ZNF721: variants seen among roughly 807,000 people sequenced by gnomAD.
ZNF721 encodes the protein zinc finger protein 721.
In ZNF721, 2 loss-of-function variants were observed where a neutral mutation model predicts 2.4. The ratio of observed to expected loss-of-function variants is 0.82; its 90% CI spans 0.34 to 2.58. ZNF721 has a LOEUF of 2.58. Among genes scored for constraint, ZNF721 ranks in the 30% most tolerant of loss-of-function variants. The pLI is 0.11. For synonymous variants in ZNF721, 398 were observed against 381.8 expected, an observed-to-expected ratio of 1.04 and a Z score of -0.50; for missense variants, 1,187 against 1,085.5, an observed-to-expected ratio of 1.09 and a Z score of -1.31.
Position 444,212 on chromosome 4 carries a change from T to G in ZNF721, c.255A>C (p.Ala85=). Reference sequence around the variant, plus strand: ...CAAATTTACTAAAAACTTTGACACGTGCATTACATTGAAATATTTTGCTCT... The same window carrying G: ...CAAATTTACTAAAAACTTTGACACGGGCATTACATTGAAATATTTTGCTCT... ...NTQSKIFQCN[A]RVKVFSKFAN... Residue 85 remains alanine (A), a synonymous_variant, in exon 3 of 3, where the codon GCA becomes GCC. Transcript: ENST00000511833. The G allele has an allele frequency of 1.2e-6, 2 of 1,613,758 alleles. No homozygotes were observed. Among genetic ancestry groups the G allele is most frequent in the Non-Finnish European group, 1.7e-6 (2 of 1,179,734 alleles).
In ZNF721 at chr4:444,131, G is replaced by C. The variant is rs781793057; in HGVS notation, c.336C>G (p.Asn112Lys). 3 of 1,613,956 alleles carry C rather than the reference G, an allele frequency of 1.9e-6. No homozygotes were observed. The highest frequency in any genetic ancestry group is 4.5e-5 in the East Asian group (2 of 44,858). The change falls in exon 3 of 3, where the codon AAC becomes AAG. Residue 112 changes from asparagine (N) to lysine (K), a missense_variant. Physicochemically the swap from Asn to Lys is moderately conservative, Grantham distance 94. Coordinates refer to ENST00000511833, the MANE Select transcript of ZNF721 (RefSeq NM_133474.4). ...ACTTCTGAAATGACTTGCCACATTC[G>C]TTACATTTAAAGTGTTTCTCTCCAG... is the stretch of plus-strand genomic sequence containing the variant. ...RHTGEKHFKC[N>K]ECGKSFQKFS...
At chr4:494,624 G>T (rs1449433399) in intron 1 of ZNF721, among the ~76,000 whole-genome samples, 2 of 152,128 alleles carry the variant, frequency 1.3e-5, no homozygotes, top group East Asian at 3.8e-4. Context: ...AAACAACTCA[G>T]GTGAAAATCA....
Position 442,304 on chromosome 4 carries a change from C to G in ZNF721, c.2163G>C (p.Arg721Ser), listed in dbSNP as rs1195960087. The change falls in exon 3 of 3, where the codon AGG becomes AGC. Residue 721 changes from arginine to serine, a missense_variant. Physicochemically the swap from Arg to Ser is moderately radical, Grantham distance 110. Coordinates refer to ENST00000511833, the MANE Select transcript of ZNF721 (RefSeq NM_133474.4). ...NLTTHRRVHT[R>S]EKPYKCEDRG... ...GATCTTCACATTTGTAGGGTTTCTCCCTAGTGTGAACTCTCCTATGTGTAG... is the reference window on the plus strand; with the variant it reads ...GATCTTCACATTTGTAGGGTTTCTCGCTAGTGTGAACTCTCCTATGTGTAG... The G allele has an allele frequency of 6.2e-7, 1 of 1,612,766 alleles. No individual in the cohort carries two copies.
chr4:473,083 G>A (rs1427670856), intron 1 of ZNF721, among the ~76,000 whole-genome samples: 1 of 152,090 alleles, frequency 6.6e-6, no homozygotes, highest in Non-Finnish European at 1.5e-5. Flanking sequence ...CAGAACAATA[G>A]ACAGGATGTG....
intron 2 of ZNF721, among the ~76,000 whole-genome samples, chr4:461,882 A>C (rs1553866144): frequency 6.6e-6 from 1 of 152,210 alleles, no homozygotes; most frequent in Non-Finnish European, 1.5e-5. Flanking sequence ...CAAAAAAATA[A>C]AAATAGTATT....
intron 2 of ZNF721, among the ~76,000 whole-genome samples, chr4:471,015 A>C (rs1196206172): frequency 6.6e-6 from 1 of 151,796 alleles, no homozygotes; most frequent in Non-Finnish European, 1.5e-5. Flanking sequence ...AAAAAAAAAG[A>C]AGTTAATATC....
intron 2 of ZNF721, among the ~76,000 whole-genome samples, chr4:451,364 T>C (rs534309229): frequency 1.3e-5 from 2 of 152,180 alleles, no homozygotes; most frequent in Non-Finnish European, 2.9e-5. Flanking sequence ...CAAAAACAAG[T>C]TGACCATTTT....
intron 1 of ZNF721, among the ~76,000 whole-genome samples, chr4:490,385 C>T (rs373417176): frequency 6.6e-6 from 1 of 151,862 alleles, no homozygotes; most frequent in Admixed American, 6.6e-5. Context: ...CTGAGAATGG[C>T]GTGAACCCAG....
At chr4:473,623 T>TGG (rs771818478) in intron 1 of ZNF721, among the ~76,000 whole-genome samples, 8 of 152,216 alleles carry the variant, frequency 5.3e-5, no homozygotes, top group Non-Finnish European at 1.2e-4. Context: ...TATGTTTTGA[T>TGG]GGGGCCTCGA....
intron 1 of ZNF721, among the ~76,000 whole-genome samples, chr4:480,826 G>A (rs1434654944): frequency 7.0e-6 from 1 of 143,388 alleles, no homozygotes; most frequent in Non-Finnish European, 1.5e-5. Flanking sequence ...CCTTTTGTGG[G>A]GGGGGGGGGA....
At chr4:492,192 A>C (rs115568388) in intron 1 of ZNF721, among the ~76,000 whole-genome samples, 9,622 of 151,808 alleles carry the variant, frequency 0.063, 508 homozygotes, top group African/African-American at 0.15. Flanking sequence ...AACAAACAAA[A>C]AAAAAACCTT....
intron 1 of ZNF721, among the ~76,000 whole-genome samples, chr4:490,839 A>C (rs1265030380): frequency 2.0e-5 from 3 of 152,240 alleles, no homozygotes; most frequent in South Asian, 4.1e-4. Flanking sequence ...CTGTAATCCC[A>C]GCTACTTGGG....
chr4:476,974 T>C (rs2108715861), intron 1 of ZNF721, among the ~76,000 whole-genome samples: 1 of 152,288 alleles, frequency 6.6e-6, no homozygotes, highest in Admixed American at 6.5e-5. Context: ...CTGGTTCCAA[T>C]TCTCATGGCA....
At chr4:459,597 G>C (rs1253976583) in intron 2 of ZNF721, among the ~76,000 whole-genome samples, 2 of 152,102 alleles carry the variant, frequency 1.3e-5, no homozygotes, top group Non-Finnish European at 2.9e-5. Context: ...TTGAGAGGCC[G>C]AGGTGGACAG....
At chr4:486,012 G>A (rs1210300721) in intron 1 of ZNF721, among the ~76,000 whole-genome samples, 1 of 151,866 alleles carries the variant, frequency 6.6e-6, no homozygotes, top group East Asian at 1.9e-4. Flanking sequence ...ATAGATTCTG[G>A]CTTAATTATT....
chr4:491,503 C>T (rs189736522), intron 1 of ZNF721, among the ~76,000 whole-genome samples: 2 of 152,182 alleles, frequency 1.3e-5, no homozygotes, highest in African/African-American at 2.4e-5. Flanking sequence ...AAGGACAGCT[C>T]GGCTCTGCTA....
At chr4:471,537 T>C (rs1176491236) in intron 2 of ZNF721, among the ~76,000 whole-genome samples, 4 of 152,150 alleles carry the variant, frequency 2.6e-5, no homozygotes, top group Non-Finnish European at 5.9e-5. Context: ...AGAATGGCGA[T>C]TGTTAGTGCC....
At chr4:463,735 A>G (rs536193665) in intron 2 of ZNF721, among the ~76,000 whole-genome samples, 1 of 152,260 alleles carries the variant, frequency 6.6e-6, no homozygotes, top group East Asian at 1.9e-4. Context: ...CAAGGGAAAC[A>G]TCACACACCG....
intron 1 of ZNF721, among the ~76,000 whole-genome samples, chr4:483,255 TA>T (rs1553869785): frequency 6.6e-6 from 1 of 152,166 alleles, no homozygotes; most frequent in East Asian, 1.9e-4. Context: ...AAACAATCTA[TA>T]ACATTGCCTC....
Sources: gnomAD v4.1 joint callset for allele counts (sites outside exome capture counted in the v4.1 genomes callset) on GRCh38, gnomAD v4.1.1 for gene constraint, MANE v1.5 for transcripts, NCBI Gene and HGNC (gene_info 2026-07-23, HGNC 2026-07-21) for gene names.